Variants in MACROD2 observed in about 807,000 individuals in gnomAD.
MACROD2 encodes the protein mono-ADP ribosylhydrolase 2, also known as ADP-ribose glycohydrolase MACROD2.
MACROD2 carries 36 observed loss-of-function variants against 70.4 expected under a neutral mutation model. That is an observed-to-expected ratio of 0.51 (90% CI 0.39 to 0.68). MACROD2 has a LOEUF of 0.68. MACROD2 is among the 30% of genes least tolerant of loss of function. MACROD2 has a pLI of 0.00. For missense variants in MACROD2, 496 were observed against 538.4 expected (o/e 0.92, Z 0.78); for synonymous variants, 172 against 178.8 (o/e 0.96, Z 0.30).
At chr20:14,983,321 C>T (rs201897930) in intron 5 of MACROD2, among the ~76,000 whole-genome samples, 13 of 151,952 alleles carry the variant, frequency 8.6e-5, no homozygotes, top group South Asian at 4.2e-4. Context: ...TGGGTTAATG[C>T]GGAAATGAGT....
chr20:14,147,045 G>A (rs972085332), intron 3 of MACROD2, among the ~76,000 whole-genome samples: 5 of 152,162 alleles, frequency 3.3e-5, no homozygotes, highest in African/African-American at 4.8e-5. Context: ...TATGGTGAGT[G>A]GTAAAAGGGA....
chr20:15,521,823 T>C (rs146526658), intron 8 of MACROD2, among the ~76,000 whole-genome samples: 19 of 152,306 alleles, frequency 1.2e-4, no homozygotes, highest in African/African-American at 3.8e-4. Flanking sequence ...ATAACAAAGA[T>C]TAAATGGGGA....
At chr20:15,739,978 T>C (rs2051079855) in intron 8 of MACROD2, among the ~76,000 whole-genome samples, 1 of 152,226 alleles carries the variant, frequency 6.6e-6, no homozygotes, top group South Asian at 2.1e-4. Context: ...AGTCAAGATA[T>C]GCAAACCACT....
At chr20:14,435,880 T>C (rs1384419497) in intron 3 of MACROD2, among the ~76,000 whole-genome samples, 2 of 152,076 alleles carry the variant, frequency 1.3e-5, no homozygotes, top group Non-Finnish European at 2.9e-5. Flanking sequence ...CTAATTTTTG[T>C]ATTTTTGGTA....
At chr20:14,995,271 G>A (rs987284734) in intron 5 of MACROD2, among the ~76,000 whole-genome samples, 2 of 152,004 alleles carry the variant, frequency 1.3e-5, no homozygotes, top group African/African-American at 2.4e-5. Context: ...GTAGAGAGAT[G>A]GGATTAGTTA....
At chr20:14,065,079 C>CA (rs1289679198) in intron 2 of MACROD2, among the ~76,000 whole-genome samples, 1 of 152,214 alleles carries the variant, frequency 6.6e-6, no homozygotes. Flanking sequence ...TTCCTGAACT[C>CA]AGTGTGTCAG....
chr20:16,044,807 C>T (rs1400702617), intron 17 of MACROD2, among the ~76,000 whole-genome samples, 168 bp downstream of exon 17: 1 of 152,050 alleles, frequency 6.6e-6, no homozygotes, highest in Admixed American at 6.6e-5. Flanking sequence ...AAACGATCAC[C>T]CCTAGAAGCT....
At chr20:16,021,060 A>G (rs1022022779) in intron 15 of MACROD2, among the ~76,000 whole-genome samples, 7 of 152,172 alleles carry the variant, frequency 4.6e-5, no homozygotes, top group African/African-American at 1.7e-4. Context: ...TGTTCCTGTC[A>G]ATGCTTCTGC....
At chr20:15,295,234 T>C (rs1303081587) in intron 6 of MACROD2, among the ~76,000 whole-genome samples, 1 of 152,212 alleles carries the variant, frequency 6.6e-6, no homozygotes, top group Non-Finnish European at 1.5e-5. Flanking sequence ...TCCCCAGTCA[T>C]GTGGAACTGT....
At chr20:14,394,149 C>G (rs1039876751) in intron 3 of MACROD2, among the ~76,000 whole-genome samples, 1 of 152,100 alleles carries the variant, frequency 6.6e-6, no homozygotes, top group Non-Finnish European at 1.5e-5. Flanking sequence ...TTTTAGTATA[C>G]ATGGAATCAG....
chr20:15,397,900 AC>A, intron 6 of MACROD2, among the ~76,000 whole-genome samples: 1 of 152,212 alleles, frequency 6.6e-6, no homozygotes. Context: ...TATTATATAA[AC>A]AATATGACAA....
chr20:14,663,697 A>G (rs968908941), intron 4 of MACROD2, among the ~76,000 whole-genome samples: 3 of 151,980 alleles, frequency 2.0e-5, no homozygotes, highest in Non-Finnish European at 2.9e-5. Flanking sequence ...AAATTTTTTA[A>G]AAGTTTGAAA....
At chr20:14,418,492 CCCTT>C (rs552026113) in intron 3 of MACROD2, among the ~76,000 whole-genome samples, 15 of 152,252 alleles carry the variant, frequency 9.9e-5, no homozygotes, top group African/African-American at 2.9e-4. Context: ...TACTTCAACT[CCCTT>C]AATTTACAGT....
chr20:14,062,531 G>A lies in MACROD2; in HGVS notation c.164-23090G>A, dbSNP rs114694531. The stretch of plus-strand genomic sequence containing the variant: ...TGGCATTCCAGTTAGAACAATATTT[G>A]CAAAGACATGGAAGCATTAAAGAGA... On this transcript the variant is annotated intron_variant, in intron 2 of 17. Transcript: ENST00000684519. 7.3e-3 allele frequency among the ~76,000 whole-genome samples: 1,115 copies of A among 152,244 alleles called. 14 individuals are homozygous for A. Among genetic ancestry groups the A allele is most frequent in the African/African-American group, 0.025 (1,040 of 41,552 alleles).
intron 6 of MACROD2, among the ~76,000 whole-genome samples, chr20:15,307,847 GTA>G (rs1315273485): frequency 6.6e-6 from 1 of 151,976 alleles, no homozygotes; most frequent in East Asian, 1.9e-4. Context: ...CTCACAAAAC[GTA>G]TGTTTGTCTT....
chr20:14,235,649 A>G (rs1053299694), intron 3 of MACROD2, among the ~76,000 whole-genome samples: 2 of 152,208 alleles, frequency 1.3e-5, no homozygotes, highest in African/African-American at 4.8e-5. Flanking sequence ...CTGTACATAG[A>G]CTTCTACAAC....
chr20:14,656,314 T>C (rs1011848942), intron 4 of MACROD2, among the ~76,000 whole-genome samples: 1 of 152,148 alleles, frequency 6.6e-6, no homozygotes, highest in African/African-American at 2.4e-5. Flanking sequence ...GACTAAGAAA[T>C]TCATATAGCC....
intron 13 of MACROD2, among the ~76,000 whole-genome samples, chr20:15,982,683 C>T (rs752159807): frequency 1.3e-5 from 2 of 152,020 alleles, no homozygotes; most frequent in African/African-American, 4.8e-5. Context: ...AGTAAGGTGG[C>T]GGGGTTAGGG....
intron 13 of MACROD2, among the ~76,000 whole-genome samples, chr20:15,982,919 C>T (rs74179796): frequency 3.3e-5 from 5 of 152,236 alleles, no homozygotes; most frequent in Middle Eastern, 3.4e-3. Context: ...TTGGAAACCT[C>T]GTCTAGTTGT....
Sources: gnomAD v4.1 joint callset for allele counts (sites outside exome capture counted in the v4.1 genomes callset) on GRCh38, gnomAD v4.1.1 for gene constraint, MANE v1.5 for transcripts, NCBI Gene and HGNC (gene_info 2026-07-23, HGNC 2026-07-21) for gene names.